The following ITPR1 variants were observed in gnomAD, a reference collection of about 807,000 sequenced individuals.
ITPR1 encodes inositol 1,4,5-trisphosphate-gated calcium channel ITPR1.
In ITPR1, 96 loss-of-function variants were observed where a neutral mutation model predicts 318.4. That is an observed-to-expected ratio of 0.30 (90% CI 0.26 to 0.36). ITPR1 has a LOEUF of 0.36. Ranked by LOEUF, ITPR1 falls within the 10% of genes least tolerant of loss-of-function variation. ITPR1 has a pLI of 1.00. For synonymous variants in ITPR1, 1,312 were observed against 1,289.9 expected, an observed-to-expected ratio of 1.02 and a Z score of -0.37; for missense variants, 2,440 against 3,460.2, an observed-to-expected ratio of 0.71 and a Z score of 7.40.
intron 46 of ITPR1, among the ~76,000 whole-genome samples, chr3:4,770,075 A>G (rs1320533215): frequency 1.3e-5 from 2 of 152,254 alleles, no homozygotes; most frequent in East Asian, 3.9e-4. Context: ...TCCTCCTAAG[A>G]CACTCCAGTC....
intron 44 of ITPR1, 110 bp from the exon 45 acceptor site, chr3:4,766,420 T>C (rs554648229): frequency 8.7e-6 from 7 of 802,084 alleles, no homozygotes; most frequent in African/African-American, 5.1e-5. Context: ...ACTTAGATCA[T>C]GCGTGAGGTT....
chr3:4,683,611 G>A lies in ITPR1; in HGVS notation c.3328-17G>A, dbSNP rs767447880. 9.3e-6 allele frequency: 15 copies of A among 1,613,898 alleles called. No homozygotes were observed. The highest frequency in any genetic ancestry group is 4.5e-5 in the East Asian group (2 of 44,892). On this transcript the variant is annotated splice_polypyrimidine_tract_variant and intron_variant, in intron 27 of 61. Transcript: ENST00000649015. ...CAAGAAGCTGTTGTGTGCACCTAAC[G>A]GATTGCGTTCATTAAGGTTCAACTG...
chr3:4,536,863 G>A (rs896123141), intron 4 of ITPR1, among the ~76,000 whole-genome samples: 1 of 152,182 alleles, frequency 6.6e-6, no homozygotes, highest in Non-Finnish European at 1.5e-5. Context: ...CATTGAAGAG[G>A]TTAGATGTGT....
intron 44 of ITPR1, among the ~76,000 whole-genome samples, chr3:4,752,298 G>T (rs1866998): frequency 6.6e-6 from 1 of 152,218 alleles, no homozygotes; most frequent in South Asian, 2.1e-4. Flanking sequence ...GAGGGAGCCA[G>T]GTTTGGAGAC....
At chr3:4,741,654 G>A (rs376688973) in intron 44 of ITPR1, among the ~76,000 whole-genome samples, 8 of 152,088 alleles carry the variant, frequency 5.3e-5, no homozygotes, top group South Asian at 2.1e-4. Context: ...GGAGGGACAC[G>A]TTGGTTGGGC....
At chr3:4,618,189 T>TA (rs965588528) in intron 4 of ITPR1, among the ~76,000 whole-genome samples, 4 of 152,170 alleles carry the variant, frequency 2.6e-5, no homozygotes, top group African/African-American at 9.7e-5. Flanking sequence ...TTGGTCACTT[T>TA]AAAATGGTTA....
At chr3:4,692,248 A>G (rs1041660979) in intron 32 of ITPR1, among the ~76,000 whole-genome samples, 1 of 151,602 alleles carries the variant, frequency 6.6e-6, no homozygotes, top group Non-Finnish European at 1.5e-5. Context: ...TGACCTTTCA[A>G]CTCCTCAGTG....
chr3:4,612,253 C>G (rs2092171622), intron 4 of ITPR1, among the ~76,000 whole-genome samples: 1 of 151,714 alleles, frequency 6.6e-6, no homozygotes, highest in South Asian at 2.1e-4. Context: ...GTAGAGACAG[C>G]GTTTCACCAT....
intron 43 of ITPR1, among the ~76,000 whole-genome samples, chr3:4,733,760 T>A (rs78030769): frequency 6.6e-6 from 1 of 152,194 alleles, no homozygotes; most frequent in Admixed American, 6.5e-5. Flanking sequence ...CTGGTATATC[T>A]AATTCTAATG....
rs550305306 is a variant in ITPR1 at position 4,544,515 on chromosome 3, T to C, written c.163+23421T>C. Among the ~76,000 whole-genome samples, 113 of 152,378 alleles carry C rather than the reference T, an allele frequency of 7.4e-4. 1 individual carries two copies. Among genetic ancestry groups the C allele is most frequent in the African/African-American group, 2.7e-3 (111 of 41,592 alleles). ...AGTAATAGGCACTTCATTTGTTTTA[T>C]TGGCTTGCATCTGAGAAGTACCTAA... On this transcript the variant is annotated intron_variant, in intron 4 of 61. Transcript: ENST00000649015.
At chr3:4,639,845 A>G (rs1285269522) in intron 6 of ITPR1, among the ~76,000 whole-genome samples, 1 of 152,154 alleles carries the variant, frequency 6.6e-6, no homozygotes, top group African/African-American at 2.4e-5. Context: ...CTGGCCTAAA[A>G]CAGCTGCTCC....
At chr3:4,512,705 T>C (rs1226366688) in intron 2 of ITPR1, among the ~76,000 whole-genome samples, 1 of 152,148 alleles carries the variant, frequency 6.6e-6, no homozygotes, top group Non-Finnish European at 1.5e-5. Context: ...TTAATTCAAG[T>C]ATGTCAGCCA....
At chr3:4,802,856 A>G (rs1401991320) in intron 54 of ITPR1, among the ~76,000 whole-genome samples, 1 of 151,816 alleles carries the variant, frequency 6.6e-6, no homozygotes, top group Non-Finnish European at 1.5e-5. Context: ...AAAGAGAAAG[A>G]AAGAAAGAGA....
At chr3:4,687,273 C>A (rs1406372468) in intron 30 of ITPR1, among the ~76,000 whole-genome samples, 1 of 152,216 alleles carries the variant, frequency 6.6e-6, no homozygotes, top group Non-Finnish European at 1.5e-5. Flanking sequence ...AGCTTGCTGA[C>A]CTCAGTCTAG....
intron 44 of ITPR1, among the ~76,000 whole-genome samples, chr3:4,761,718 G>A (rs2045463544): frequency 6.6e-6 from 1 of 152,204 alleles, no homozygotes; most frequent in South Asian, 2.1e-4. Context: ...GAGAGAGGGA[G>A]GCAGTGTAGC....
At chr3:4,800,039 A>G (rs1261318434) in intron 53 of ITPR1, 1 of 187,130 alleles carries the variant, frequency 5.3e-6, no homozygotes, top group African/African-American at 2.4e-5. Context: ...CTGGTGAGAG[A>G]GAGACAAGTA....
intron 2 of ITPR1, among the ~76,000 whole-genome samples, chr3:4,512,767 C>G (rs2081930324): frequency 6.6e-6 from 1 of 152,146 alleles, no homozygotes. Flanking sequence ...ACCACAGCCT[C>G]TTGAAGTTAA....
intron 53 of ITPR1, among the ~76,000 whole-genome samples, chr3:4,796,195 C>T (rs2047886164): frequency 6.6e-6 from 1 of 152,096 alleles, no homozygotes; most frequent in Non-Finnish European, 1.5e-5. Flanking sequence ...CCTAAGTTAC[C>T]CTTTTGAGGA....
chr3:4,561,114 T>C (rs1372463907), intron 4 of ITPR1, among the ~76,000 whole-genome samples: 1 of 152,218 alleles, frequency 6.6e-6, no homozygotes, highest in Non-Finnish European at 1.5e-5. Flanking sequence ...CTAGCTGTGA[T>C]TTGCTAATTG....
Sources: allele counts gnomAD v4.1 joint callset (sites outside exome capture counted in the v4.1 genomes callset), GRCh38; gene constraint gnomAD v4.1.1; transcripts MANE v1.5; gene names NCBI Gene and HGNC (gene_info 2026-07-23, HGNC 2026-07-21).